ZNF597: variants seen among roughly 807,000 people sequenced by gnomAD.
The protein encoded by ZNF597 is zinc finger protein 597.
A neutral mutation model predicts 7.3 loss-of-function variants in ZNF597; 5 were observed. The observed-to-expected ratio is 0.68, with a 90% CI of 0.36 to 1.44. ZNF597 has a LOEUF of 1.44. Ranked by LOEUF, ZNF597 falls within the 40% of genes most tolerant of loss-of-function variation. ZNF597 has a pLI of 0.04. For synonymous variants in ZNF597, 209 were observed against 185.4 expected (o/e 1.13, Z -1.04); for missense variants, 585 against 517.9 (o/e 1.13, Z -1.26).
chr16:3,433,295 A>G lies in ZNF597; in HGVS notation c.*3129T>C, dbSNP rs184872271. 38 of 152,260 alleles carry G rather than the reference A, an allele frequency of 2.5e-4. No individual in the cohort carries two copies. In the East Asian group the frequency reaches 7.1e-3, roughly 29 times the overall value. The allele number at this position is 152,260 out of a possible 1,614,324, so 9.4% of individuals were successfully genotyped here. A position where few individuals can be genotyped will look rare whatever the true frequency, so the allele number is the denominator to read the frequency against. On this transcript the variant is annotated 3_prime_UTR_variant, in exon 4 of 4. Coordinates refer to ENST00000301744, the MANE Select transcript of ZNF597 (RefSeq NM_152457.3). ...ACTGCTGACATCTGAATTCCATTGG[A>G]AAAATGCTGTTTTCATCAATGACGA...
In ZNF597 at chr16:3,434,780, T is replaced by C. The variant is rs1310005575; in HGVS notation, c.*1644A>G. 6.6e-6 allele frequency: 1 copy of C among 152,216 alleles called. No individual in the cohort carries two copies. The highest frequency in any genetic ancestry group is 1.5e-5 in the Non-Finnish European group (1 of 68,042). 9.4% of individuals were successfully genotyped at this position (152,216 alleles called of 1,614,324 possible). A position where few individuals can be genotyped will look rare whatever the true frequency, so the allele number is the denominator to read the frequency against. ...TTAGTCCTCAAGAGTCCTTTATCTT[T>C]TCTCCCAGCAAAAATTCCCAGCAAC... On this transcript the variant is annotated 3_prime_UTR_variant, in exon 4 of 4. Coordinates refer to ENST00000301744, the MANE Select transcript of ZNF597 (RefSeq NM_152457.3).
At chr16:3,443,086 C>A (rs758867515) in intron 2 of ZNF597, 35 bp downstream of exon 2, 3 of 1,613,934 alleles carry the variant, frequency 1.9e-6, no homozygotes, top group Non-Finnish European at 2.5e-6. Context: ...CCGAAAGCAG[C>A]AATAAACTTG....
intron 3 of ZNF597, among the ~76,000 whole-genome samples, chr16:3,439,693 A>C (rs1204944025): frequency 1.3e-5 from 2 of 152,186 alleles, no homozygotes; most frequent in Admixed American, 6.5e-5. Context: ...CCCACAACAA[A>C]GTCCAAAATA....
intron 3 of ZNF597, among the ~76,000 whole-genome samples, chr16:3,438,136 A>C (rs1596267115): frequency 6.6e-6 from 1 of 151,820 alleles, no homozygotes; most frequent in Admixed American, 6.6e-5. Context: ...GGAGGCTGAG[A>C]CAGGAGGATC....
At chr16:3,442,141 T>C (rs1406265280) in intron 2 of ZNF597, among the ~76,000 whole-genome samples, 1 of 152,208 alleles carries the variant, frequency 6.6e-6, no homozygotes, top group Non-Finnish European at 1.5e-5. Context: ...CATCCAGGCC[T>C]ACCCCACCTT....
chr16:3,442,967 T>G (rs1007947713), intron 2 of ZNF597, among the ~76,000 whole-genome samples, 154 bp downstream of exon 2: 6 of 152,222 alleles, frequency 3.9e-5, no homozygotes, highest in African/African-American at 1.4e-4. Flanking sequence ...ATTATGTGTG[T>G]GGTCTTGGAA....
At position 3,435,458 on chromosome 16, in the gene ZNF597, GAA is replaced by G. The variant is rs1052397148; in HGVS notation, c.*964_*965del. On this transcript the variant is annotated 3_prime_UTR_variant, in exon 4 of 4. Coordinates refer to ENST00000301744, the MANE Select transcript of ZNF597 (RefSeq NM_152457.3). ...AGACTGCATGGCCTTTGGAGTCAGA[GAA>G]ACCCAAGCTTAATGTCAGTTTCACC... is the stretch of plus-strand genomic sequence containing the variant. 8 of 152,208 alleles carry G rather than the reference GAA, an allele frequency of 5.3e-5. No individual in the cohort carries two copies. The East Asian group carries it at 1.3e-3, about 26-fold the overall frequency. 9.4% of individuals were successfully genotyped at this position (152,208 alleles called of 1,614,324 possible). A position where few individuals can be genotyped will look rare whatever the true frequency, so the allele number is the denominator to read the frequency against.
At position 3,436,209 on chromosome 16, in the gene ZNF597, C is replaced by T. The variant is rs761005371; in HGVS notation, c.*215G>A. On this transcript the variant is annotated 3_prime_UTR_variant, in exon 4 of 4. Transcript: ENST00000301744. ...GTTGTACAGTAACTGAGTTCAAATCCTGGGTTCATTCACTAGTTTAGTGAC... is the reference window on the plus strand; with the variant it reads ...GTTGTACAGTAACTGAGTTCAAATCTTGGGTTCATTCACTAGTTTAGTGAC... 2.3e-5 allele frequency: 13 copies of T among 563,692 alleles called. No individual in the cohort carries two copies. The highest frequency in any genetic ancestry group is 3.4e-5 in the Non-Finnish European group (11 of 322,110). The allele number at this position is 563,692 out of a possible 1,614,324, so 34.9% of individuals were successfully genotyped here. A position where few individuals can be genotyped will look rare whatever the true frequency, so the allele number is the denominator to read the frequency against.
intron 3 of ZNF597, among the ~76,000 whole-genome samples, chr16:3,438,124 C>T (rs1042339131): frequency 1.3e-5 from 2 of 150,638 alleles, no homozygotes; most frequent in African/African-American, 4.9e-5. Context: ...CCTAGATACT[C>T]AGGAGGCTGA....
intron 3 of ZNF597, among the ~76,000 whole-genome samples, chr16:3,438,295 C>G (rs2034325990): frequency 1.3e-5 from 2 of 151,456 alleles, no homozygotes; most frequent in Non-Finnish European, 2.9e-5. Flanking sequence ...CACGGTGGCT[C>G]ACACCTGTGA....
In ZNF597 at chr16:3,443,333, G is replaced by T. The variant is rs59220957; in HGVS notation, c.-54+27C>A. Reference sequence around the variant, plus strand: ...CCTACGCCGACTGCTCCTCCTCTTGGCCCGGCCTCGAAAGGGGCCCACTTA... The same window carrying T: ...CCTACGCCGACTGCTCCTCCTCTTGTCCCGGCCTCGAAAGGGGCCCACTTA... On this transcript the variant is annotated intron_variant, in intron 1 of 3. Transcript: ENST00000301744. The T allele has an allele frequency of 6.8e-3, 4,206 of 619,112 alleles. 153 individuals are homozygous for T. The African/African-American group carries it at 0.074, about 11-fold the overall frequency. The allele number at this position is 619,112 out of a possible 1,614,324, so 38.4% of individuals were successfully genotyped here.
chr16:3,438,988 G>C (rs79830403), intron 3 of ZNF597, among the ~76,000 whole-genome samples: 3,689 of 152,290 alleles, frequency 0.024, 146 homozygotes, highest in African/African-American at 0.08. Flanking sequence ...TGAGTTCAGA[G>C]ATCAGGGATG....
At chr16:3,441,025 T>C (rs1234250649) in intron 2 of ZNF597, 92 bp from the exon 3 acceptor site, 12 of 1,511,450 alleles carry the variant, frequency 7.9e-6, no homozygotes, top group East Asian at 4.7e-5. Flanking sequence ...AAACATCAGA[T>C]GCACGGGATA....
chr16:3,442,069 C>A (rs923703489), intron 2 of ZNF597, among the ~76,000 whole-genome samples: 1 of 152,088 alleles, frequency 6.6e-6, no homozygotes, highest in Non-Finnish European at 1.5e-5. Context: ...CTCCCAACAT[C>A]CTTCCCTTTG....
At chr16:3,440,335 G>A (rs537979951) in intron 3 of ZNF597, among the ~76,000 whole-genome samples, 4 of 152,298 alleles carry the variant, frequency 2.6e-5, no homozygotes, top group African/African-American at 7.2e-5. Flanking sequence ...CTGAATTTTT[G>A]TCTTTAAGAG....
chr16:3,441,199 G>A (rs1596268482), intron 2 of ZNF597, among the ~76,000 whole-genome samples: 1 of 152,204 alleles, frequency 6.6e-6, no homozygotes, highest in Non-Finnish European at 1.5e-5. Flanking sequence ...AAAGAGAAAA[G>A]ATGAGGGAAT....
rs951422873 is a variant in ZNF597, at chr16:3,443,446, G to A, written c.-140C>T. The stretch of plus-strand genomic sequence containing the variant: ...ACCGAGACGCGACGAAGAACGCCAC[G>A]GCCACTGCAAAACTCCCACGCTCTC... On this transcript the variant is annotated 5_prime_UTR_variant, in exon 1 of 4. Coordinates refer to ENST00000301744, the MANE Select transcript of ZNF597 (RefSeq NM_152457.3). 3 of 519,298 alleles carry A rather than the reference G, an allele frequency of 5.8e-6. No homozygotes were observed. The highest frequency in any genetic ancestry group is 1.0e-5 in the Non-Finnish European group (3 of 297,440). The allele number at this position is 519,298 out of a possible 1,614,324, so 32.2% of individuals were successfully genotyped here.
At chr16:3,438,216 T>TAAAA (rs140287445) in intron 3 of ZNF597, among the ~76,000 whole-genome samples, 7 of 137,012 alleles carry the variant, frequency 5.1e-5, no homozygotes, top group Non-Finnish European at 7.7e-5. Context: ...ACTTGTTTCT[T>TAAAA]AAAAAAAAAA....
intron 2 of ZNF597, among the ~76,000 whole-genome samples, chr16:3,441,561 C>T (rs547788360): frequency 1.3e-5 from 2 of 152,190 alleles, no homozygotes; most frequent in Non-Finnish European, 2.9e-5. Context: ...TGGCGCATGC[C>T]TATAATCCCA....
Sources: gnomAD v4.1 joint callset for allele counts (sites outside exome capture counted in the v4.1 genomes callset) on GRCh38, gnomAD v4.1.1 for gene constraint, MANE v1.5 for transcripts, NCBI Gene and HGNC (gene_info 2026-07-23, HGNC 2026-07-21) for gene names.